Variants in CAMKK2 observed in about 807,000 individuals in gnomAD.
The protein encoded by CAMKK2 is calcium/calmodulin-dependent protein kinase kinase 2.
CAMKK2 carries 30 observed loss-of-function variants against 67.2 expected under a neutral mutation model. The ratio of observed to expected loss-of-function variants is 0.45; its 90% CI spans 0.33 to 0.61. The LOEUF is 0.61. Ranked by LOEUF, CAMKK2 falls within the 20% of genes least tolerant of loss-of-function variation. The pLI is 0.02. For synonymous variants in CAMKK2, 322 were observed against 326.2 expected (o/e 0.99, Z 0.14); for missense variants, 643 against 802.0 (o/e 0.80, Z 2.39).
intron 1 of CAMKK2, among the ~76,000 whole-genome samples, chr12:121,282,308 G>A (rs977235533): frequency 6.6e-5 from 10 of 152,126 alleles, no homozygotes; most frequent in Admixed American, 3.9e-4. Flanking sequence ...TGATGATGAC[G>A]AGAGGGCAGC....
At chr12:121,288,785 G>A (rs1459326767) in intron 1 of CAMKK2, among the ~76,000 whole-genome samples, 2 of 151,270 alleles carry the variant, frequency 1.3e-5, no homozygotes, top group African/African-American at 4.9e-5. Context: ...GTTGGGATTA[G>A]CATTTTTATC....
chr12:121,253,246 CTG>C lies in CAMKK2; in HGVS notation c.1107+25_1107+26del, dbSNP rs1203500370. On this transcript the variant is annotated intron_variant, in intron 10 of 16. Coordinates refer to ENST00000404169, the MANE Select transcript of CAMKK2 (RefSeq NM_001270485.2). The surrounding 1 kb of genome is among the most constrained non-coding windows in gnomAD (Gnocchi z 5.0). ...AGAAGACACTAACACAGGCAGAACT[CTG>C]TGGCTGAGGCAGGCCCAAGCTTACC... 1 of 1,605,910 alleles carries C rather than the reference CTG, an allele frequency of 6.2e-7. No homozygotes were observed. Among genetic ancestry groups the C allele is most frequent in the Non-Finnish European group, 8.5e-7 (1 of 1,172,752 alleles).
intron 1 of CAMKK2, among the ~76,000 whole-genome samples, chr12:121,292,068 A>C (rs891324737): frequency 2.0e-5 from 3 of 152,024 alleles, no homozygotes; most frequent in Admixed American, 1.3e-4. Flanking sequence ...AAAATAAATA[A>C]ATAAAATAAA....
chr12:121,283,082 G>T (rs57905141), intron 1 of CAMKK2, among the ~76,000 whole-genome samples: 7,014 of 152,234 alleles, frequency 0.046, 509 homozygotes, highest in African/African-American at 0.16. Flanking sequence ...AAGCCGCCCA[G>T]TGTGAGACTT....
At chr12:121,280,084 G>A (rs766393137) in intron 1 of CAMKK2, among the ~76,000 whole-genome samples, 15 of 152,330 alleles carry the variant, frequency 9.8e-5, no homozygotes, top group East Asian at 1.9e-4. Context: ...TGTCCTGCCC[G>A]GGACATCAAT....
intron 1 of CAMKK2, among the ~76,000 whole-genome samples, chr12:121,281,517 GTTCA>G (rs535177251): frequency 1.3e-5 from 2 of 152,222 alleles, no homozygotes; most frequent in Non-Finnish European, 2.9e-5. Flanking sequence ...AAGGAAATGC[GTTCA>G]TTCATTCATT....
chr12:121,260,314 C>T lies in CAMKK2; in HGVS notation c.796+5G>A. On this transcript the variant is annotated splice_donor_5th_base_variant and intron_variant, in intron 7 of 16. Transcript: ENST00000404169. ...GAGGGTGGCAGAAGAAAAGGGCTTCCTTACCCATGTACAGATGGTCCTCAT... is the reference window on the plus strand; with the variant it reads ...GAGGGTGGCAGAAGAAAAGGGCTTCTTTACCCATGTACAGATGGTCCTCAT... 2 of 1,604,298 alleles carry T rather than the reference C, an allele frequency of 1.2e-6. No homozygotes were observed. The highest frequency in any genetic ancestry group is 8.5e-7 in the Non-Finnish European group (1 of 1,176,666).
intron 14 of CAMKK2, among the ~76,000 whole-genome samples, chr12:121,246,842 CCT>C (rs906809609): frequency 2.7e-5 from 4 of 150,902 alleles, no homozygotes; most frequent in Admixed American, 6.6e-5. Flanking sequence ...GCCCCCTACC[CCT>C]GAGAGCAGGC....
chr12:121,284,310 T>C (rs34413525), intron 1 of CAMKK2, among the ~76,000 whole-genome samples: 1 of 152,194 alleles, frequency 6.6e-6, no homozygotes, highest in African/African-American at 2.4e-5. Context: ...GTTGTTCTTG[T>C]TTATTTTTAT....
chr12:121,265,597 A>G lies in CAMKK2; in HGVS notation c.626-1658T>C, dbSNP rs1894370899. Among the ~76,000 whole-genome samples, 3 of 152,250 alleles carry G rather than the reference A, an allele frequency of 2.0e-5. No individual in the cohort carries two copies. The Middle Eastern group carries it at 0.01, about 518-fold the overall frequency. On this transcript the variant is annotated intron_variant, in intron 5 of 16. Coordinates refer to ENST00000404169, the MANE Select transcript of CAMKK2 (RefSeq NM_001270485.2). ...ATAAAAGAGACCTCAGGCTGGGCGC[A>G]GTGGCTCAGGCCTGTAATCCAAGCA... is the stretch of plus-strand genomic sequence containing the variant.
rs761252729 is a variant in CAMKK2 at position 121,240,750 on chromosome 12, G to A, written c.1716C>T (p.Ser572=). The stretch of plus-strand genomic sequence containing the variant: ...GCCGCAGTGGATGCATGCGTGCGGG[G>A]GAGCCGGGGGCGGGGGCCCAGCAAC... ...VESCWAPAPG[S]PARMHPLRPE... Residue 572 remains serine, a synonymous_variant, in exon 17 of 17, where the codon TCC becomes TCT. Coordinates refer to ENST00000404169, the MANE Select transcript of CAMKK2 (RefSeq NM_001270485.2). The surrounding 1 kb of genome is among the most constrained non-coding windows in gnomAD (Gnocchi z 4.4). The A allele has an allele frequency of 1.2e-6, 2 of 1,609,110 alleles. No homozygotes were observed. Among genetic ancestry groups the A allele is most frequent in the East Asian group, 4.5e-5 (2 of 44,860 alleles).
chr12:121,269,141 G>A (rs1895227038), intron 4 of CAMKK2, among the ~76,000 whole-genome samples: 1 of 151,918 alleles, frequency 6.6e-6, no homozygotes, highest in South Asian at 2.1e-4. Flanking sequence ...TACACATGGA[G>A]AAATATCACT....
intron 14 of CAMKK2, among the ~76,000 whole-genome samples, chr12:121,247,546 G>A (rs896091854): frequency 1.1e-4 from 16 of 152,220 alleles, no homozygotes; most frequent in Non-Finnish European, 2.2e-4. Flanking sequence ...GACGCCAGCT[G>A]TCTCCTCGTC....
upstream of CAMKK2, chr12:121,297,397 G>A (rs115430883): frequency 7.1e-3 from 2,496 of 352,542 alleles, 47 homozygotes; most frequent in African/African-American, 0.049. Flanking sequence ...CGGCCCTAAA[G>A]GCTGGGGGAA....
intron 6 of CAMKK2, 141 bp downstream of exon 6, chr12:121,263,664 CT>C (rs1388422428): frequency 3.3e-6 from 2 of 598,182 alleles, no homozygotes; most frequent in Non-Finnish European, 5.4e-6. Flanking sequence ...GTAACAAATA[CT>C]CTTAGGGAGC....
At chr12:121,294,132 C>A (rs1900668217) in intron 1 of CAMKK2, among the ~76,000 whole-genome samples, 1 of 152,094 alleles carries the variant, frequency 6.6e-6, no homozygotes, top group African/African-American at 2.4e-5. Context: ...GGGGTTTCAC[C>A]ATGTTGGCCA....
intron 1 of CAMKK2, among the ~76,000 whole-genome samples, chr12:121,289,643 A>G (rs955973080): frequency 6.6e-6 from 1 of 152,212 alleles, no homozygotes; most frequent in Non-Finnish European, 1.5e-5. Flanking sequence ...CTGTAATCCC[A>G]GCACTTTCGG....
chr12:121,297,781 G>A (rs746761418), upstream of CAMKK2: 1 of 475,920 alleles, frequency 2.1e-6, no homozygotes, highest in South Asian at 1.5e-5. Flanking sequence ...AGCCCGTTCC[G>A]ATGTGCTTCT....
rs1354081505 is a variant in CAMKK2 at position 121,238,818 on chromosome 12, G to T, written c.*1881C>A. The stretch of plus-strand genomic sequence containing the variant: ...TGGGCCTAAGACTAGGGACCCGCTG[G>T]CTTTAACCTCTGCAAGGTGCTTATT... On this transcript the variant is annotated 3_prime_UTR_variant, in exon 17 of 17. Transcript: ENST00000404169. 1.3e-5 allele frequency: 2 copies of T among 152,718 alleles called. No homozygotes were observed. The highest frequency in any genetic ancestry group is 3.9e-4 in the East Asian group (2 of 5,194). The allele number at this position is 152,718 out of a possible 1,614,324, so 9.5% of individuals were successfully genotyped here. A position where few individuals can be genotyped will look rare whatever the true frequency, so the allele number is the denominator to read the frequency against.
Sources: gnomAD v4.1 joint callset for allele counts (sites outside exome capture counted in the v4.1 genomes callset) on GRCh38, gnomAD v4.1.1 for gene constraint, Gnocchi (gnomAD v3.1) non-coding constraint, MANE v1.5 for transcripts, NCBI Gene and HGNC (gene_info 2026-07-23, HGNC 2026-07-21) for gene names.